THSD7A: variants seen among roughly 807,000 people sequenced by gnomAD.
The protein encoded by THSD7A is thrombospondin type-1 domain-containing protein 7A.
A neutral mutation model predicts 231.3 loss-of-function variants in THSD7A; 96 were observed. That is an observed-to-expected ratio of 0.41 (90% CI 0.35 to 0.49). THSD7A has a LOEUF of 0.49. Among genes scored for constraint, THSD7A ranks in the 20% least tolerant of loss-of-function variants. The probability of loss-of-function intolerance (pLI) is 0.05; values close to 1 mark genes in which losing one functional copy is unlikely to be tolerated. For synonymous variants in THSD7A, 940 were observed against 743.3 expected (o/e 1.26, Z -4.30); for missense variants, 2,290 against 2,070.2 (o/e 1.11, Z -2.06).
At chr7:11,685,975 C>G (rs905977333) in intron 1 of THSD7A, among the ~76,000 whole-genome samples, 2 of 151,858 alleles carry the variant, frequency 1.3e-5, no homozygotes, top group Non-Finnish European at 2.9e-5. Context: ...ACTTGGTGCC[C>G]ATTAATGGTG....
chr7:11,606,299 T>C (rs1780730012), intron 2 of THSD7A, among the ~76,000 whole-genome samples: 1 of 152,136 alleles, frequency 6.6e-6, no homozygotes, highest in Admixed American at 6.6e-5. Context: ...ACCATGTCAC[T>C]GGAAGAGTAG....
intron 1 of THSD7A, among the ~76,000 whole-genome samples, chr7:11,718,091 G>T (rs1781205112): frequency 6.6e-6 from 1 of 151,566 alleles, no homozygotes; most frequent in African/African-American, 2.4e-5. Flanking sequence ...TAATTTCTCT[G>T]GACCAGACCC....
rs1415479166 is a variant in THSD7A at position 11,411,157 on chromosome 7, AT to A, written c.3798+49del. The stretch of plus-strand genomic sequence containing the variant: ...GTCACTTGGCTCAGCATGAATTGAA[AT>A]TATTAGGGAAGAATTTACTCGCGAA... On this transcript the variant is annotated intron_variant, in intron 19 of 27. Coordinates refer to ENST00000423059, the MANE Select transcript of THSD7A (RefSeq NM_015204.3). The surrounding 1 kb of genome is among the most constrained non-coding windows in gnomAD (Gnocchi z 4.1). The A allele has an allele frequency of 6.9e-7, 1 of 1,440,576 alleles. No individual in the cohort carries two copies. Among genetic ancestry groups the A allele is most frequent in the Non-Finnish European group, 9.7e-7 (1 of 1,031,670 alleles). The allele number at this position is 1,440,576 out of a possible 1,614,324, so 89.2% of individuals were successfully genotyped here. A position where few individuals can be genotyped will look rare whatever the true frequency, so the allele number is the denominator to read the frequency against.
At chr7:11,662,895 G>T (rs2128373996) in intron 1 of THSD7A, among the ~76,000 whole-genome samples, 1 of 151,470 alleles carries the variant, frequency 6.6e-6, no homozygotes, top group East Asian at 1.9e-4. Context: ...ATTAAAATTT[G>T]TGACATAAAG....
intron 1 of THSD7A, among the ~76,000 whole-genome samples, chr7:11,755,930 T>A (rs754864290): frequency 2.4e-4 from 37 of 152,116 alleles, no homozygotes; most frequent in Admixed American, 9.2e-4. Context: ...ATACGCCGTA[T>A]ACATTCTAAA....
At chr7:11,735,988 T>G (rs188466943) in intron 1 of THSD7A, among the ~76,000 whole-genome samples, 92 of 152,078 alleles carry the variant, frequency 6.0e-4, no homozygotes, top group Non-Finnish European at 1.1e-3. Context: ...TAAACATATT[T>G]AAATATGTTG....
intron 4 of THSD7A, among the ~76,000 whole-genome samples, chr7:11,549,360 G>A (rs1789530974): frequency 6.6e-6 from 1 of 151,774 alleles, no homozygotes; most frequent in African/African-American, 2.4e-5. Context: ...CATTGTGGAA[G>A]ACAGTGTGGT....
At chr7:11,447,146 C>T in intron 12 of THSD7A, 84 bp downstream of exon 12, 1 of 1,304,924 alleles carries the variant, frequency 7.7e-7, no homozygotes, top group East Asian at 2.4e-5. Flanking sequence ...TTTTCAAATA[C>T]ACTGTCAGAA....
chr7:11,416,557 T>C (rs1783966421), intron 17 of THSD7A, among the ~76,000 whole-genome samples: 1 of 152,264 alleles, frequency 6.6e-6, no homozygotes, highest in African/African-American at 2.4e-5. Context: ...TTATTCCTGC[T>C]GTATCAGTTG....
intron 4 of THSD7A, among the ~76,000 whole-genome samples, chr7:11,563,136 T>C (rs2128330566): frequency 6.6e-6 from 1 of 152,290 alleles, no homozygotes; most frequent in East Asian, 1.9e-4. Flanking sequence ...TCATAGAAGT[T>C]TATTTCCTCT....
intron 13 of THSD7A, among the ~76,000 whole-genome samples, chr7:11,431,033 G>A (rs955528068): frequency 6.6e-6 from 1 of 152,180 alleles, no homozygotes; most frequent in African/African-American, 2.4e-5. Context: ...GCTCAGTTAT[G>A]TGGTAACTCA....
At chr7:11,472,704 T>A (rs1562637271) in intron 8 of THSD7A, among the ~76,000 whole-genome samples, 1 of 152,210 alleles carries the variant, frequency 6.6e-6, no homozygotes, top group South Asian at 2.1e-4. Flanking sequence ...CATATAGGCG[T>A]GTACATATGT....
chr7:11,423,805 T>C (rs1438524874), intron 16 of THSD7A, among the ~76,000 whole-genome samples: 1 of 152,164 alleles, frequency 6.6e-6, no homozygotes, highest in Non-Finnish European at 1.5e-5. Flanking sequence ...ATCTACAAAA[T>C]GGAGGTGATA....
intron 11 of THSD7A, among the ~76,000 whole-genome samples, chr7:11,455,777 A>T (rs189894188): frequency 2.0e-4 from 31 of 152,164 alleles, no homozygotes; most frequent in Admixed American, 1.6e-3. Context: ...TGATTCTCAC[A>T]AATTTGCTTT....
At chr7:11,484,518 T>A (rs909848125) in intron 6 of THSD7A, among the ~76,000 whole-genome samples, 8 of 152,148 alleles carry the variant, frequency 5.3e-5, no homozygotes, top group African/African-American at 1.9e-4. Context: ...TAATCACCAC[T>A]AGAAACTATT....
At chr7:11,763,504 A>G (rs1782930616) in intron 1 of THSD7A, among the ~76,000 whole-genome samples, 1 of 152,218 alleles carries the variant, frequency 6.6e-6, no homozygotes, top group South Asian at 2.1e-4. Context: ...ATCTATATAC[A>G]CATACACATA....
chr7:11,576,596 A>C (rs1790917685), intron 4 of THSD7A, among the ~76,000 whole-genome samples: 1 of 152,200 alleles, frequency 6.6e-6, no homozygotes, highest in African/African-American at 2.4e-5. Context: ...AATACATCAA[A>C]GGTACCTTTT....
In THSD7A at chr7:11,778,251, CAT is replaced by C. The variant is rs560949780; in HGVS notation, c.190+53504_190+53505del. On this transcript the variant is annotated intron_variant, in intron 1 of 27. Coordinates refer to ENST00000423059, the MANE Select transcript of THSD7A (RefSeq NM_015204.3). The stretch of plus-strand genomic sequence containing the variant: ...AGGTTCTATGTTGGGCTTTGGAAGA[CAT>C]ATTTCACTAAGTGGATTCCTATTTC... Among the ~76,000 whole-genome samples the C allele has an allele frequency of 3.9e-3, 585 of 149,608 alleles. 3 individuals carry two copies. The highest frequency in any genetic ancestry group is 0.013 in the African/African-American group (549 of 40,778).
At chr7:11,540,069 C>T (rs1789078221) in intron 6 of THSD7A, among the ~76,000 whole-genome samples, 1 of 152,088 alleles carries the variant, frequency 6.6e-6, no homozygotes, top group Non-Finnish European at 1.5e-5. Flanking sequence ...TGCTTTCTTG[C>T]CAATCTCTGA....
Sources: gnomAD v4.1 joint callset for allele counts (sites outside exome capture counted in the v4.1 genomes callset) on GRCh38, gnomAD v4.1.1 for gene constraint, Gnocchi (gnomAD v3.1) non-coding constraint, MANE v1.5 for transcripts, NCBI Gene and HGNC (gene_info 2026-07-23, HGNC 2026-07-21) for gene names.